Variants in ATAT1 observed in about 807,000 individuals in gnomAD.
ATAT1 encodes alpha tubulin acetyltransferase 1.
A neutral mutation model predicts 57.2 loss-of-function variants in ATAT1; 42 were observed. That is an observed-to-expected ratio of 0.73 (90% CI 0.57 to 0.95). The LOEUF (loss-of-function observed/expected upper bound fraction) is 0.95. ATAT1 is among the 40% of genes least tolerant of loss of function. The probability of loss-of-function intolerance (pLI) is 0.00; values close to 1 mark genes in which losing one functional copy is unlikely to be tolerated. For synonymous variants in ATAT1, 168 were observed against 187.1 expected, an observed-to-expected ratio of 0.90 and a Z score of 0.83; for missense variants, 454 against 523.7, an observed-to-expected ratio of 0.87 and a Z score of 1.30.
chr6:30,627,679 A>T lies in ATAT1; in HGVS notation c.176A>T (p.Gln59Leu), dbSNP rs755651319. 3 of 1,613,064 alleles carry T rather than the reference A, an allele frequency of 1.9e-6. No homozygotes were observed. Among genetic ancestry groups the T allele is most frequent in the Non-Finnish European group, 1.7e-6 (2 of 1,180,024 alleles). The stretch of plus-strand genomic sequence containing the variant: ...CCTATCACTAGTGCATCAAGGATGC[A>T]GAGTAACCGCCATGTTGTTTATATT... The change falls in exon 3 of 13, where the codon CAG (glutamine) becomes CTG (leucine). Residue 59 changes from glutamine to leucine, a missense_variant. Transcript: ENST00000330083.
chr6:30,628,252 C>T (rs1240697968), intron 5 of ATAT1, 77 bp from the exon 6 acceptor site: 1 of 1,544,924 alleles, frequency 6.5e-7, no homozygotes, highest in Non-Finnish European at 8.9e-7. Flanking sequence ...CATTCTATTC[C>T]CTTCCCAGGC....
intron 10 of ATAT1, chr6:30,643,258 AG>A (rs1765914656): frequency 7.0e-7 from 1 of 1,422,834 alleles, no homozygotes; most frequent in African/African-American, 1.4e-5. Flanking sequence ...GTGGAATGGT[AG>A]GAAGAACACC....
Position 30,642,950 on chromosome 6 carries a change from A to C in ATAT1, c.871A>C (p.Thr291Pro). ...CTTGCGCCTCTGCCCCCCACACCCT[A>C]CCGCCCGCCTTCTGTTGGCTGCTGA... Residue 291 changes from threonine to proline, a missense_variant, in exon 10 of 13, where the codon ACC becomes CCC. Coordinates refer to ENST00000330083, the MANE Select transcript of ATAT1 (RefSeq NM_001031722.4). 6.2e-7 allele frequency: 1 copy of C among 1,610,462 alleles called. No individual in the cohort carries two copies. Among genetic ancestry groups the C allele is most frequent in the Non-Finnish European group, 8.5e-7 (1 of 1,179,262 alleles).
chr6:30,628,447 A>G lies in ATAT1; in HGVS notation c.501+17A>G, dbSNP rs1055329106. 6.4e-7 allele frequency: 1 copy of G among 1,573,824 alleles called. No individual in the cohort carries two copies. Among genetic ancestry groups the G allele is most frequent in the Non-Finnish European group, 8.7e-7 (1 of 1,144,718 alleles). ...GTCCCACAGGTTAGAGGTTTCAGAGAATAGATCCCCACTGAGCATTCCCAT... is the reference window on the plus strand; with the variant it reads ...GTCCCACAGGTTAGAGGTTTCAGAGGATAGATCCCCACTGAGCATTCCCAT... On this transcript the variant is annotated intron_variant, in intron 6 of 12. Transcript: ENST00000330083.
intron 10 of ATAT1, 144 bp downstream of exon 10, chr6:30,643,155 T>G (rs914609498): frequency 6.7e-7 from 1 of 1,487,794 alleles, no homozygotes; most frequent in Non-Finnish European, 8.9e-7. Flanking sequence ...AAGAAAAATA[T>G]TTGTGCAAGT....
At chr6:30,628,289 C>G in intron 5 of ATAT1, 40 bp from the exon 6 acceptor site, 1 of 1,592,682 alleles carries the variant, frequency 6.3e-7, no homozygotes, top group Non-Finnish European at 8.6e-7. Context: ...GCATGCTTTC[C>G]CCATACTTCC....
intron 6 of ATAT1, among the ~76,000 whole-genome samples, chr6:30,637,786 G>A (rs1342161511): frequency 6.6e-6 from 1 of 151,956 alleles, no homozygotes. Flanking sequence ...GACCATCCTG[G>A]CCAACATGGT....
intron 8 of ATAT1, chr6:30,641,967 C>T: frequency 7.1e-7 from 1 of 1,411,360 alleles, no homozygotes; most frequent in East Asian, 2.6e-5. Flanking sequence ...GTTTGGCCTA[C>T]TCCTTCTGGC....
intron 6 of ATAT1, among the ~76,000 whole-genome samples, chr6:30,638,826 T>G (rs1229027206): frequency 1.3e-5 from 2 of 152,198 alleles, no homozygotes; most frequent in African/African-American, 4.8e-5. Context: ...TTCTTTCAAA[T>G]AGTGACTTCC....
intron 6 of ATAT1, among the ~76,000 whole-genome samples, chr6:30,631,794 A>G (rs1055868443): frequency 6.6e-6 from 1 of 152,070 alleles, no homozygotes; most frequent in Non-Finnish European, 1.5e-5. Context: ...ACAAACAAAA[A>G]AAAAGAGTAA....
At chr6:30,645,532 A>C (rs927883744) in intron 10 of ATAT1, among the ~76,000 whole-genome samples, 1 of 152,130 alleles carries the variant, frequency 6.6e-6, no homozygotes, top group Non-Finnish European at 1.5e-5. Context: ...GGAATCTTAT[A>C]GTTAAGGTAA....
At chr6:30,640,085 C>T (rs1234422715) in intron 6 of ATAT1, among the ~76,000 whole-genome samples, 1 of 151,448 alleles carries the variant, frequency 6.6e-6, no homozygotes, top group Non-Finnish European at 1.5e-5. Context: ...CTGCAGTGAG[C>T]TGTGATGGCA....
At chr6:30,640,297 T>C in intron 6 of ATAT1, 80 bp from the exon 7 acceptor site, 1 of 1,479,206 alleles carries the variant, frequency 6.8e-7, no homozygotes, top group Non-Finnish European at 9.4e-7. Context: ...CACAATGAAA[T>C]CACCCAATGA....
Position 30,642,325 on chromosome 6 carries a change from A to G in ATAT1, c.688+78A>G. 5 of 1,586,852 alleles carry G rather than the reference A, an allele frequency of 3.2e-6. No homozygotes were observed. In the Middle Eastern group the frequency reaches 8.3e-4, roughly 264 times the overall value. On this transcript the variant is annotated intron_variant, in intron 9 of 12. Coordinates refer to ENST00000330083, the MANE Select transcript of ATAT1 (RefSeq NM_001031722.4). ...AAGAGAATGCTCAGGGGACCCAGGG[A>G]AAGGATTCGTTCTCTCTAAAGACTC...
intron 6 of ATAT1, among the ~76,000 whole-genome samples, chr6:30,638,992 A>T (rs1764777710): frequency 6.6e-6 from 1 of 151,154 alleles, no homozygotes; most frequent in East Asian, 2.0e-4. Context: ...TTATTTATTT[A>T]TCCTTTGAGA....
At chr6:30,627,773 C>A (rs1441156436) in intron 3 of ATAT1, 46 bp downstream of exon 3, 25 of 1,605,416 alleles carry the variant, frequency 1.6e-5, no homozygotes, top group Non-Finnish European at 2.1e-5. Context: ...TCCTTCCTTC[C>A]TCAGCCCTTC....
intron 6 of ATAT1, 44 bp downstream of exon 6, chr6:30,628,474 G>T: frequency 6.8e-7 from 1 of 1,474,038 alleles, no homozygotes; most frequent in Non-Finnish European, 9.4e-7. Flanking sequence ...CATTCCCATT[G>T]AATTTATTTG....
chr6:30,637,748 C>CGG (rs1764456384), intron 6 of ATAT1, among the ~76,000 whole-genome samples: 1 of 151,468 alleles, frequency 6.6e-6, no homozygotes, highest in South Asian at 2.1e-4. Context: ...AAGGCCAAGG[C>CGG]GGGCGGATCA....
At chr6:30,640,252 G>A (rs1287036571) in intron 6 of ATAT1, 125 bp from the exon 7 acceptor site, 1 of 1,014,554 alleles carries the variant, frequency 9.9e-7, no homozygotes, top group Non-Finnish European at 1.5e-6. Flanking sequence ...AGGCTATAGT[G>A]TCTAGGTTTG....
Sources: allele counts gnomAD v4.1 joint callset (sites outside exome capture counted in the v4.1 genomes callset), GRCh38; gene constraint gnomAD v4.1.1; transcripts MANE v1.5; gene names NCBI Gene and HGNC (gene_info 2026-07-23, HGNC 2026-07-21).